Variants in CSGALNACT1 observed in about 807,000 individuals in gnomAD.
CSGALNACT1 encodes beta4GalNAcT-1.
CSGALNACT1 carries 52 observed loss-of-function variants against 51.0 expected under a neutral mutation model. That is an observed-to-expected ratio of 1.02 (90% CI 0.82 to 1.29). The LOEUF (loss-of-function observed/expected upper bound fraction) is 1.29. Among genes scored for constraint, CSGALNACT1 ranks in the 50% most tolerant of loss-of-function variants. The probability of loss-of-function intolerance (pLI) is 0.00; values close to 1 mark genes in which losing one functional copy is unlikely to be tolerated. For missense variants in CSGALNACT1, 935 were observed against 679.2 expected, an observed-to-expected ratio of 1.38 and a Z score of -4.19; for synonymous variants, 341 against 254.4, an observed-to-expected ratio of 1.34 and a Z score of -3.24.
intron 8 of CSGALNACT1, among the ~76,000 whole-genome samples, chr8:19,412,497 C>T (rs908415521): frequency 2.0e-5 from 3 of 152,136 alleles, no homozygotes; most frequent in Non-Finnish European, 4.4e-5. Context: ...CAATCTGGAC[C>T]CTAAAATAAA....
intron 3 of CSGALNACT1, among the ~76,000 whole-genome samples, chr8:19,589,728 A>T (rs1219397448): frequency 1.3e-5 from 2 of 152,218 alleles, no homozygotes; most frequent in Non-Finnish European, 2.9e-5. Context: ...AATTTGAGCT[A>T]ATTTGATTGT....
At chr8:19,521,875 A>G (rs149647037) in intron 3 of CSGALNACT1, among the ~76,000 whole-genome samples, 6 of 152,370 alleles carry the variant, frequency 3.9e-5, no homozygotes, top group African/African-American at 1.4e-4. Flanking sequence ...TCTTCAAATT[A>G]CTGCACAGGC....
At chr8:19,494,973 C>T (rs922564967) in intron 4 of CSGALNACT1, 3 of 152,166 alleles carry the variant, frequency 2.0e-5, no homozygotes, top group Non-Finnish European at 2.9e-5. Context: ...CCCTCTCCCA[C>T]CTCAGCTCCT....
intron 4 of CSGALNACT1, among the ~76,000 whole-genome samples, chr8:19,498,960 TA>T (rs1335290624): frequency 1.3e-5 from 2 of 151,892 alleles, no homozygotes; most frequent in African/African-American, 2.4e-5. Context: ...TCAAAAGGTT[TA>T]AAAAATTGGC....
intron 1 of CSGALNACT1, among the ~76,000 whole-genome samples, chr8:19,667,031 G>GAAAA (rs1589387949): frequency 3.0e-5 from 1 of 33,832 alleles, no homozygotes; most frequent in African/African-American, 2.3e-4. Context: ...AAGGAAGGAA[G>GAAAA]GAAGGAAGGA....
intron 2 of CSGALNACT1, among the ~76,000 whole-genome samples, chr8:19,597,574 C>T (rs993004314): frequency 1.3e-5 from 2 of 151,974 alleles, no homozygotes; most frequent in African/African-American, 4.8e-5. Context: ...CAGAGTGTTC[C>T]GATTACAGGT....
At chr8:19,733,771 T>C (rs1255185191) in intron 1 of CSGALNACT1, among the ~76,000 whole-genome samples, 1 of 152,248 alleles carries the variant, frequency 6.6e-6, no homozygotes, top group Non-Finnish European at 1.5e-5. Flanking sequence ...ATTTTGCTTC[T>C]GCTCATATGA....
chr8:19,614,627 G>A (rs572091123), intron 1 of CSGALNACT1, among the ~76,000 whole-genome samples: 1 of 152,124 alleles, frequency 6.6e-6, no homozygotes, highest in African/African-American at 2.4e-5. Context: ...AACAGAGATT[G>A]GTTTTATGCT....
At chr8:19,449,987 T>C (rs529917104) in intron 5 of CSGALNACT1, among the ~76,000 whole-genome samples, 1 of 141,190 alleles carries the variant, frequency 7.1e-6, no homozygotes, top group South Asian at 2.3e-4. Flanking sequence ...ATCTAGAATA[T>C]GGAAGGTAAG....
chr8:19,714,163 T>C (rs1452147548), intron 1 of CSGALNACT1, among the ~76,000 whole-genome samples: 1 of 152,214 alleles, frequency 6.6e-6, no homozygotes, highest in African/African-American at 2.4e-5. Flanking sequence ...CTCCTGTTGA[T>C]CTCTTGCTCC....
chr8:19,428,013 A>T (rs1210279847), intron 6 of CSGALNACT1, among the ~76,000 whole-genome samples: 2 of 152,080 alleles, frequency 1.3e-5, no homozygotes, highest in Non-Finnish European at 2.9e-5. Flanking sequence ...CAAGGTTGCT[A>T]CCTTAGGAGG....
rs117001569 is a variant in CSGALNACT1 at position 19,717,409 on chromosome 8, C to G, written c.-297+40441G>C. 8.3e-3 allele frequency among the ~76,000 whole-genome samples: 1,257 copies of G among 152,286 alleles called. 7 individuals carry two copies. Among genetic ancestry groups the G allele is most frequent in the Middle Eastern group, 0.041 (12 of 294 alleles). ...AGTACAGACACATAACATAGCCACA[C>G]CAAAAGGTTACTTAGGAAGGTGGTA... On this transcript the variant is annotated intron_variant, in intron 1 of 1. Transcript: ENST00000517494.
intron 3 of CSGALNACT1, among the ~76,000 whole-genome samples, chr8:19,557,699 C>T (rs529494566): frequency 6.6e-6 from 1 of 152,286 alleles, no homozygotes; most frequent in East Asian, 1.9e-4. Flanking sequence ...AACAGCACCC[C>T]CTGTCAACTC....
rs1269187977 is a variant in CSGALNACT1, at chr8:19,446,979, A to G, written c.852-7048T>C. 3.9e-5 allele frequency among the ~76,000 whole-genome samples: 6 copies of G among 152,226 alleles called. No individual in the cohort carries two copies. The East Asian group carries it at 9.6e-4, about 24-fold the overall frequency. On this transcript the variant is annotated intron_variant, in intron 5 of 9. Coordinates refer to ENST00000454498, the Ensembl canonical transcript of CSGALNACT1. ...AGAGGCTAATTAAGATGTATTTCCT[A>G]TCACAAAACATGTATCACAGTCACT... is the stretch of plus-strand genomic sequence containing the variant.
chr8:19,421,709 C>T (rs10481427), intron 6 of CSGALNACT1, among the ~76,000 whole-genome samples: 61,539 of 152,104 alleles, frequency 0.4, 13,070 homozygotes, highest in African/African-American at 0.52. Flanking sequence ...TTTTAAAATG[C>T]TAAGTTGTAT....
At chr8:19,749,454 T>C (rs1439020972) in intron 1 of CSGALNACT1, among the ~76,000 whole-genome samples, 2 of 152,168 alleles carry the variant, frequency 1.3e-5, no homozygotes, top group South Asian at 2.1e-4. Context: ...CATGGCATAA[T>C]AAATAACGAG....
chr8:19,678,701 T>C (rs1483042761), intron 1 of CSGALNACT1: 1 of 152,146 alleles, frequency 6.6e-6, no homozygotes, highest in Non-Finnish European at 1.5e-5. Flanking sequence ...AATTTTTTTT[T>C]ACAAAGCAGA....
chr8:19,656,598 C>T (rs370928785), intron 1 of CSGALNACT1, among the ~76,000 whole-genome samples: 1 of 105,014 alleles, frequency 9.5e-6, no homozygotes, highest in Non-Finnish European at 2.1e-5. Flanking sequence ...TACGCCCCCC[C>T]CCCACACACA....
At chr8:19,718,391 C>T (rs1447682146) in intron 1 of CSGALNACT1, among the ~76,000 whole-genome samples, 4 of 152,116 alleles carry the variant, frequency 2.6e-5, no homozygotes, top group Non-Finnish European at 5.9e-5. Context: ...CGTGAGCCAC[C>T]GAGCCTGGCC....
Sources: allele counts gnomAD v4.1 joint callset (sites outside exome capture counted in the v4.1 genomes callset), GRCh38; gene constraint gnomAD v4.1.1; transcripts MANE v1.5; gene names NCBI Gene and HGNC (gene_info 2026-07-23, HGNC 2026-07-21).